The following LHFPL6 variants were observed in gnomAD, a reference collection of about 807,000 sequenced individuals.
LHFPL6 encodes the protein LHFPL tetraspan subfamily member 6 protein.
A neutral mutation model predicts 20.6 loss-of-function variants in LHFPL6; 9 were observed. The observed-to-expected ratio is 0.44, with a 90% CI of 0.26 to 0.76. The LOEUF is 0.76. Ranked by LOEUF, LHFPL6 falls within the 30% of genes least tolerant of loss-of-function variation. The pLI, the probability that LHFPL6 is intolerant of heterozygous loss-of-function variation, is 0.20. For synonymous variants in LHFPL6, 105 were observed against 98.7 expected (o/e 1.06, Z -0.38); for missense variants, 218 against 253.5 (o/e 0.86, Z 0.95).
intron 2 of LHFPL6, among the ~76,000 whole-genome samples, chr13:39,523,935 T>C (rs1019163704): frequency 1.3e-5 from 2 of 152,130 alleles, no homozygotes; most frequent in Admixed American, 1.3e-4. Context: ...AAAGTTAACA[T>C]TATCTTAACA....
chr13:39,400,782 CAAAAAA>C (rs34833321), intron 2 of LHFPL6, among the ~76,000 whole-genome samples: 1 of 53,498 alleles, frequency 1.9e-5, no homozygotes, highest in African/African-American at 8.8e-5. Flanking sequence ...GACTCCGTCT[CAAAAAA>C]AAAAAAAAAA....
chr13:39,390,792 C>T (rs566939012), intron 2 of LHFPL6, among the ~76,000 whole-genome samples: 9 of 152,150 alleles, frequency 5.9e-5, no homozygotes, highest in East Asian at 5.8e-4. Context: ...GTCAGGAGTT[C>T]GAGACCAGTC....
chr13:39,412,601 G>A (rs1871258713), intron 2 of LHFPL6, among the ~76,000 whole-genome samples: 1 of 152,196 alleles, frequency 6.6e-6, no homozygotes, highest in South Asian at 2.1e-4. Context: ...AGAAGAAACT[G>A]AAGTACAGAG....
intron 2 of LHFPL6, among the ~76,000 whole-genome samples, chr13:39,404,649 A>G (rs1429808007): frequency 6.6e-6 from 1 of 152,202 alleles, no homozygotes; most frequent in Non-Finnish European, 1.5e-5. Context: ...CTTTTCCAGC[A>G]AAGACTTCAA....
At chr13:39,488,250 A>G (rs1450073874) in intron 2 of LHFPL6, among the ~76,000 whole-genome samples, 2 of 152,242 alleles carry the variant, frequency 1.3e-5, no homozygotes, top group East Asian at 1.9e-4. Context: ...CCCAGCCTCC[A>G]GAACTGTCAG....
chr13:39,599,538 C>T (rs1277591122), intron 2 of LHFPL6, among the ~76,000 whole-genome samples: 2 of 152,212 alleles, frequency 1.3e-5, no homozygotes, highest in African/African-American at 4.8e-5. Context: ...GTCCCCCACA[C>T]TGCCTCCCGG....
chr13:39,396,183 C>A (rs888964914), intron 2 of LHFPL6, among the ~76,000 whole-genome samples: 1 of 151,990 alleles, frequency 6.6e-6, no homozygotes, highest in Admixed American at 6.6e-5. Context: ...TTGGGGGATG[C>A]AGAGCAGAGA....
intron 2 of LHFPL6, among the ~76,000 whole-genome samples, chr13:39,542,309 T>A (rs1262261418): frequency 6.6e-6 from 1 of 151,804 alleles, no homozygotes; most frequent in Admixed American, 6.6e-5. Context: ...GTGGAAGAAA[T>A]GAAAGAATGA....
intron 2 of LHFPL6, among the ~76,000 whole-genome samples, chr13:39,464,222 A>G (rs1872748946): frequency 6.6e-6 from 1 of 152,206 alleles, no homozygotes; most frequent in South Asian, 2.1e-4. Context: ...TAGAAACTCC[A>G]TGAGGATGGG....
chr13:39,465,864 C>T (rs561166579), intron 2 of LHFPL6, among the ~76,000 whole-genome samples: 1 of 152,028 alleles, frequency 6.6e-6, no homozygotes, highest in African/African-American at 2.4e-5. Flanking sequence ...AGTCTAGCAG[C>T]AGCTAGCAAT....
intron 2 of LHFPL6, among the ~76,000 whole-genome samples, chr13:39,444,013 A>T (rs1872216014): frequency 6.6e-6 from 1 of 152,124 alleles, no homozygotes; most frequent in African/African-American, 2.4e-5. Flanking sequence ...GTTTATCAAG[A>T]TGTAATCACA....
chr13:39,503,681 A>C (rs769973487), intron 2 of LHFPL6, among the ~76,000 whole-genome samples: 2 of 152,198 alleles, frequency 1.3e-5, no homozygotes, highest in Non-Finnish European at 2.9e-5. Context: ...AATTGAAAGA[A>C]ATTTTACACA....
At chr13:39,441,468 A>C (rs991893039) in intron 2 of LHFPL6, among the ~76,000 whole-genome samples, 5 of 151,914 alleles carry the variant, frequency 3.3e-5, no homozygotes, top group African/African-American at 9.7e-5. Flanking sequence ...ATATTGCTTC[A>C]ATTTTGTCAT....
intron 2 of LHFPL6, among the ~76,000 whole-genome samples, chr13:39,443,362 T>C (rs970768992): frequency 6.6e-6 from 1 of 152,160 alleles, no homozygotes; most frequent in Non-Finnish European, 1.5e-5. Flanking sequence ...TTTCATTTCT[T>C]TATAAACTCC....
In LHFPL6 at chr13:39,601,037, C is replaced by A. The variant is rs1872926410; in HGVS notation, c.180G>T (p.Gln60His). Reference sequence around the variant, plus strand: ...CACATTCCTCCACCATCACCATCATCTGCCGACTCTCATCATGCACAGGAT... The same window carrying A: ...CACATTCCTCCACCATCACCATCATATGCCGACTCTCATCATGCACAGGAT... The part of the protein sequence containing the change: ...CSYPVHDESR[Q>H]MMVMVEECGR... The change falls in exon 2 of 4, where the codon CAG (glutamine) becomes CAT (histidine). Residue 60 changes from glutamine (Q) to histidine (H), a missense_variant. Gln to His is a conservative substitution (Grantham distance 24). Coordinates refer to ENST00000379589, the MANE Select transcript of LHFPL6 (RefSeq NM_005780.3). The A allele has an allele frequency of 6.2e-7, 1 of 1,614,104 alleles. No homozygotes were observed. The highest frequency in any genetic ancestry group is 8.5e-7 in the Non-Finnish European group (1 of 1,180,054).
At chr13:39,494,543 C>T (rs1242059423) in intron 2 of LHFPL6, among the ~76,000 whole-genome samples, 1 of 152,172 alleles carries the variant, frequency 6.6e-6, no homozygotes, top group Non-Finnish European at 1.5e-5. Context: ...CTCATAAACT[C>T]TGCTCTGAAT....
chr13:39,347,873 A>G (rs1869451321), intron 3 of LHFPL6, among the ~76,000 whole-genome samples: 2 of 152,232 alleles, frequency 1.3e-5, no homozygotes, highest in Admixed American at 1.3e-4. Flanking sequence ...CACAGAATAC[A>G]ATCAATTGTT....
At chr13:39,369,025 TA>T (rs757932424) in intron 3 of LHFPL6, among the ~76,000 whole-genome samples, 20 of 150,364 alleles carry the variant, frequency 1.3e-4, no homozygotes, top group Non-Finnish European at 2.1e-4. Flanking sequence ...CTCAATTTCC[TA>T]AATGTCCTTA....
At chr13:39,495,789 T>C (rs1489480683) in intron 2 of LHFPL6, among the ~76,000 whole-genome samples, 1 of 144,292 alleles carries the variant, frequency 6.9e-6, no homozygotes, top group Non-Finnish European at 1.5e-5. Context: ...ATTTTTTTTT[T>C]TTTTTTTTTT....
Sources: allele counts gnomAD v4.1 joint callset (sites outside exome capture counted in the v4.1 genomes callset), GRCh38; gene constraint gnomAD v4.1.1; transcripts MANE v1.5; gene names NCBI Gene and HGNC (gene_info 2026-07-23, HGNC 2026-07-21).